Variants in GPR158 observed in about 807,000 individuals in gnomAD.
GPR158 encodes the protein metabotropic glycine receptor.
A neutral mutation model predicts 78.2 loss-of-function variants in GPR158; 30 were observed. The ratio of observed to expected loss-of-function variants is 0.38; its 90% CI spans 0.29 to 0.52. The LOEUF is 0.52. Among genes scored for constraint, GPR158 ranks in the 20% least tolerant of loss-of-function variants. The pLI, the probability that GPR158 is intolerant of heterozygous loss-of-function variation, is 0.83. For synonymous variants in GPR158, 581 were observed against 591.1 expected (o/e 0.98, Z 0.25); for missense variants, 1,463 against 1,523.5 (o/e 0.96, Z 0.66).
chr10:25,377,456 G>A (rs1441176198), intron 2 of GPR158, among the ~76,000 whole-genome samples: 1 of 152,000 alleles, frequency 6.6e-6, no homozygotes, highest in East Asian at 1.9e-4. Context: ...TATTCACAGA[G>A]TCATGCAACC....
intron 4 of GPR158, among the ~76,000 whole-genome samples, chr10:25,463,756 C>A (rs534249714): frequency 6.6e-6 from 1 of 152,210 alleles, no homozygotes; most frequent in Middle Eastern, 3.4e-3. Flanking sequence ...TGTCCTTCCT[C>A]ACCCTACCAG....
At chr10:25,207,396 C>T (rs1253945045) in intron 1 of GPR158, among the ~76,000 whole-genome samples, 4 of 152,184 alleles carry the variant, frequency 2.6e-5, no homozygotes, top group Non-Finnish European at 4.4e-5. Flanking sequence ...TGGTCCCCAA[C>T]GTTTTTGGCA....
At chr10:25,593,336 CT>C (rs1837365023) in intron 8 of GPR158, among the ~76,000 whole-genome samples, 1 of 151,974 alleles carries the variant, frequency 6.6e-6, no homozygotes, top group African/African-American at 2.4e-5. Flanking sequence ...AAATTAGTTT[CT>C]TCCTATTTTA....
At chr10:25,316,076 T>A (rs550305212) in intron 2 of GPR158, among the ~76,000 whole-genome samples, 3 of 152,344 alleles carry the variant, frequency 2.0e-5, no homozygotes, top group African/African-American at 7.2e-5. Flanking sequence ...TCTTGCTTTA[T>A]GTGTTGCTTT....
At chr10:25,272,388 T>C (rs1381167392) in intron 2 of GPR158, among the ~76,000 whole-genome samples, 5 of 152,148 alleles carry the variant, frequency 3.3e-5, no homozygotes, top group Non-Finnish European at 5.9e-5. Flanking sequence ...TGTGCTCACT[T>C]CTCTGGTAGA....
intron 2 of GPR158, among the ~76,000 whole-genome samples, chr10:25,365,892 T>C (rs1413097900): frequency 6.6e-6 from 1 of 151,702 alleles, no homozygotes; most frequent in Non-Finnish European, 1.5e-5. Context: ...TCCTCCTCAC[T>C]GTTTCCCCAA....
chr10:25,323,033 C>G (rs112400926), intron 2 of GPR158, among the ~76,000 whole-genome samples: 2,329 of 152,008 alleles, frequency 0.015, 69 homozygotes, highest in African/African-American at 0.053. Flanking sequence ...TTTTTAGTGA[C>G]ATGGGGTTTC....
intron 2 of GPR158, among the ~76,000 whole-genome samples, chr10:25,298,607 C>A (rs551565195): frequency 2.6e-5 from 4 of 152,142 alleles, no homozygotes; most frequent in Non-Finnish European, 5.9e-5. Flanking sequence ...CCTTTATCAG[C>A]TCAGCCAGAA....
At chr10:25,208,061 A>G (rs1853070026) in intron 1 of GPR158, among the ~76,000 whole-genome samples, 1 of 152,204 alleles carries the variant, frequency 6.6e-6, no homozygotes, top group Non-Finnish European at 1.5e-5. Flanking sequence ...AAACACTTGT[A>G]GGAGTTTAAA....
Position 25,584,960 on chromosome 10 carries a change from A to G in GPR158, c.1754-4047A>G, listed in dbSNP as rs549056902. ...AAGCAAAATTTAAAAAACAAACAAA[A>G]CAAAACAAACTACTTGATTGGCTAG... On this transcript the variant is annotated intron_variant, in intron 7 of 10. Coordinates refer to ENST00000376351, the MANE Select transcript of GPR158 (RefSeq NM_020752.3). 4.5e-4 allele frequency among the ~76,000 whole-genome samples: 69 copies of G among 152,292 alleles called. 2 individuals carry two copies. The highest frequency in any genetic ancestry group is 3.3e-3 in the South Asian group (16 of 4,824).
At chr10:25,360,995 T>G (rs1212127656) in intron 2 of GPR158, among the ~76,000 whole-genome samples, 1 of 152,024 alleles carries the variant, frequency 6.6e-6, no homozygotes, top group South Asian at 2.1e-4. Flanking sequence ...GTAAGTGCGT[T>G]AATTATATTC....
intron 6 of GPR158, among the ~76,000 whole-genome samples, chr10:25,559,385 A>G (rs552914579): frequency 8.5e-5 from 13 of 152,312 alleles, no homozygotes; most frequent in African/African-American, 3.1e-4. Context: ...TGCTGGAGAG[A>G]GAGTAAATTG....
intron 7 of GPR158, among the ~76,000 whole-genome samples, chr10:25,585,261 C>T (rs1391891320): frequency 6.6e-6 from 1 of 152,196 alleles, no homozygotes; most frequent in Non-Finnish European, 1.5e-5. Flanking sequence ...ATGACTTAAA[C>T]ATGAAACTGA....
chr10:25,388,271 G>A (rs1189213661), intron 2 of GPR158, among the ~76,000 whole-genome samples: 1 of 152,238 alleles, frequency 6.6e-6, no homozygotes, highest in African/African-American at 2.4e-5. Context: ...CATTGGTGAG[G>A]TGAGAGCGGT....
At chr10:25,305,390 A>G (rs1045238022) in intron 2 of GPR158, among the ~76,000 whole-genome samples, 2 of 152,240 alleles carry the variant, frequency 1.3e-5, no homozygotes, top group Non-Finnish European at 2.9e-5. Context: ...GTAAGATTAC[A>G]TCACAGTTTC....
chr10:25,250,656 G>C (rs2130720509), intron 2 of GPR158, among the ~76,000 whole-genome samples: 1 of 149,276 alleles, frequency 6.7e-6, no homozygotes, highest in African/African-American at 2.5e-5. Context: ...GTTCTAGTTT[G>C]ATTGCACTGT....
At chr10:25,218,285 A>G (rs1255849116) in intron 1 of GPR158, among the ~76,000 whole-genome samples, 1 of 152,074 alleles carries the variant, frequency 6.6e-6, no homozygotes, top group African/African-American at 2.4e-5. Flanking sequence ...GTTTTGCACA[A>G]GCCTGGAATG....
At chr10:25,325,804 A>G (rs1044134067) in intron 2 of GPR158, among the ~76,000 whole-genome samples, 1 of 151,884 alleles carries the variant, frequency 6.6e-6, no homozygotes, top group African/African-American at 2.4e-5. Flanking sequence ...TAACCATTCT[A>G]ACAAGTGTGA....
intron 5 of GPR158, among the ~76,000 whole-genome samples, chr10:25,469,339 A>G (rs1192941458): frequency 1.3e-5 from 2 of 152,070 alleles, no homozygotes; most frequent in Non-Finnish European, 1.5e-5. Context: ...AAAATTCCCT[A>G]TCATATTTTC....
Sources: gnomAD v4.1 joint callset for allele counts (sites outside exome capture counted in the v4.1 genomes callset) on GRCh38, gnomAD v4.1.1 for gene constraint, MANE v1.5 for transcripts, NCBI Gene and HGNC (gene_info 2026-07-23, HGNC 2026-07-21) for gene names.